Variants in POLR3B observed in about 807,000 individuals in gnomAD.
The protein encoded by POLR3B is RNA polymerase III subunit B.
POLR3B carries 96 observed loss-of-function variants against 147.4 expected under a neutral mutation model. The observed-to-expected ratio is 0.65, with a 90% CI of 0.55 to 0.77. POLR3B has a LOEUF of 0.77. Among genes scored for constraint, POLR3B ranks in the 30% least tolerant of loss-of-function variants. The probability of loss-of-function intolerance (pLI) is 0.00; values close to 1 mark genes in which losing one functional copy is unlikely to be tolerated. For missense variants in POLR3B, 1,036 were observed against 1,413.5 expected (o/e 0.73, Z 4.28); for synonymous variants, 461 against 485.9 (o/e 0.95, Z 0.67).
At chr12:106,397,695 T>C (rs920224483) in intron 10 of POLR3B, among the ~76,000 whole-genome samples, 1 of 152,246 alleles carries the variant, frequency 6.6e-6, no homozygotes, top group South Asian at 2.1e-4. Flanking sequence ...TTCTTTTTAT[T>C]GCTGAGTAGT....
chr12:106,392,945 C>A, intron 9 of POLR3B, 86 bp from the exon 10 acceptor site: 1 of 1,557,650 alleles, frequency 6.4e-7, no homozygotes. Flanking sequence ...GAAGTAATAC[C>A]CACAAACAAT....
At chr12:106,429,512 CTAATCT>C (rs1327480473) in intron 13 of POLR3B, among the ~76,000 whole-genome samples, 1 of 152,050 alleles carries the variant, frequency 6.6e-6, no homozygotes, top group African/African-American at 2.4e-5. Flanking sequence ...TCAAAAATTT[CTAATCT>C]TAATCTTTAT....
At chr12:106,386,591 T>G (rs987081360) in intron 9 of POLR3B, among the ~76,000 whole-genome samples, 7 of 152,034 alleles carry the variant, frequency 4.6e-5, no homozygotes, top group Non-Finnish European at 8.8e-5. Context: ...TAAGTACTGT[T>G]TTTTGGCCCG....
At chr12:106,493,100 T>C (rs940919706) in intron 23 of POLR3B, among the ~76,000 whole-genome samples, 3 of 152,302 alleles carry the variant, frequency 2.0e-5, no homozygotes, top group Admixed American at 1.3e-4. Flanking sequence ...TGTGTAAGCA[T>C]TTAAGGTATG....
chr12:106,442,651 C>G (rs1415406960), intron 18 of POLR3B, among the ~76,000 whole-genome samples: 1 of 152,112 alleles, frequency 6.6e-6, no homozygotes, highest in Non-Finnish European at 1.5e-5. Flanking sequence ...AGGTTAATAA[C>G]TGGATAAGTG....
At chr12:106,376,536 A>G in intron 7 of POLR3B, 86 bp downstream of exon 7, 1 of 950,830 alleles carries the variant, frequency 1.1e-6, no homozygotes, top group Non-Finnish European at 1.7e-6. Flanking sequence ...TCTCAAAAAC[A>G]GTACCAGCTT....
rs1010340663 is a variant in POLR3B, at chr12:106,501,957, A to G, written c.3098+521A>G. 9.2e-5 allele frequency among the ~76,000 whole-genome samples: 14 copies of G among 152,326 alleles called. No homozygotes were observed. In the East Asian group the frequency reaches 1.2e-3, roughly 13 times the overall value. On this transcript the variant is annotated intron_variant, in intron 26 of 27. Transcript: ENST00000228347. Reference sequence around the variant, plus strand: ...TGCCCCGTTCACAGGTGTACCCTCAATCCCAAGCACAATGTCTGTGGGTTA... The same window carrying G: ...TGCCCCGTTCACAGGTGTACCCTCAGTCCCAAGCACAATGTCTGTGGGTTA...
chr12:106,367,612 A>G (rs2036551921), intron 4 of POLR3B, among the ~76,000 whole-genome samples: 1 of 152,142 alleles, frequency 6.6e-6, no homozygotes, highest in East Asian at 1.9e-4. Flanking sequence ...TGGGTTATAC[A>G]TTTTTGGCAA....
chr12:106,428,864 A>AG (rs1405951420), intron 13 of POLR3B, among the ~76,000 whole-genome samples: 1 of 152,214 alleles, frequency 6.6e-6, no homozygotes, highest in Non-Finnish European at 1.5e-5. Flanking sequence ...GATCTTCACT[A>AG]TAACAGTGAG....
rs1027574722 is a variant in POLR3B, at chr12:106,503,976, G to T, written c.3099-105G>T. ...CTGTCCAGTTATTGATTTGGATCCA[G>T]ATGAGCCCTGCTCCAAAGCCTCGTG... On this transcript the variant is annotated intron_variant, in intron 26 of 27. Transcript: ENST00000228347. 2.3e-5 allele frequency: 24 copies of T among 1,036,102 alleles called. 1 individual carries two copies. In the African/African-American group the frequency reaches 3.6e-4, roughly 16 times the overall value. The allele number at this position is 1,036,102 out of a possible 1,614,324, so 64.2% of individuals were successfully genotyped here.
chr12:106,434,163 A>G (rs2037546329), intron 16 of POLR3B, among the ~76,000 whole-genome samples: 1 of 152,206 alleles, frequency 6.6e-6, no homozygotes, highest in African/African-American at 2.4e-5. Context: ...TGTCATTTTA[A>G]TGGAGACACT....
chr12:106,468,357 C>G (rs12369268), intron 23 of POLR3B, among the ~76,000 whole-genome samples: 50,815 of 151,952 alleles, frequency 0.33, 11,252 homozygotes, highest in African/African-American at 0.63. Flanking sequence ...TCGTATTAGT[C>G]TTCCTAGTGG....
chr12:106,449,881 T>C (rs868437478), intron 19 of POLR3B, among the ~76,000 whole-genome samples: 1 of 152,206 alleles, frequency 6.6e-6, no homozygotes, highest in Middle Eastern at 3.2e-3. Context: ...CAAAAATGAA[T>C]GAATGAATGA....
At chr12:106,460,487 C>G (rs1182202256) in intron 22 of POLR3B, among the ~76,000 whole-genome samples, 1 of 152,206 alleles carries the variant, frequency 6.6e-6, no homozygotes, top group Non-Finnish European at 1.5e-5. Flanking sequence ...GAGCGCTTCT[C>G]TTGACCACTG....
chr12:106,480,429 CTGGGAATGAG>C (rs1225532761), intron 23 of POLR3B, among the ~76,000 whole-genome samples: 1 of 152,150 alleles, frequency 6.6e-6, no homozygotes, highest in African/African-American at 2.4e-5. Flanking sequence ...AAGGTTGGAG[CTGGGAATGAG>C]GGTGGGGCAG....
chr12:106,433,470 A>G (rs1289726558), intron 15 of POLR3B, among the ~76,000 whole-genome samples: 1 of 152,182 alleles, frequency 6.6e-6, no homozygotes, highest in African/African-American at 2.4e-5. Flanking sequence ...ATGCCCCAGC[A>G]CTGTGCTGAA....
At chr12:106,408,835 A>T (rs1305120153) in intron 11 of POLR3B, among the ~76,000 whole-genome samples, 1 of 152,188 alleles carries the variant, frequency 6.6e-6, no homozygotes, top group Non-Finnish European at 1.5e-5. Flanking sequence ...TCCTGGAAAA[A>T]TATGCTAAGT....
chr12:106,490,359 G>T (rs2038391525), intron 23 of POLR3B, among the ~76,000 whole-genome samples: 1 of 152,198 alleles, frequency 6.6e-6, no homozygotes, highest in South Asian at 2.1e-4. Flanking sequence ...GTGCGCTTCA[G>T]ACTATGCAAA....
chr12:106,505,443 A>G (rs1056262810), intron 27 of POLR3B, among the ~76,000 whole-genome samples: 1 of 152,006 alleles, frequency 6.6e-6, no homozygotes, highest in Non-Finnish European at 1.5e-5. Context: ...TCACACCACC[A>G]CGCCTGACTA....
Sources: allele counts gnomAD v4.1 joint callset (sites outside exome capture counted in the v4.1 genomes callset), GRCh38; gene constraint gnomAD v4.1.1; transcripts MANE v1.5; gene names NCBI Gene and HGNC (gene_info 2026-07-23, HGNC 2026-07-21).